The following COL8A2 variants were observed in gnomAD, a reference collection of about 807,000 sequenced individuals.
COL8A2 encodes collagen alpha-2(VIII) chain.
A neutral mutation model predicts 24.0 loss-of-function variants in COL8A2; 16 were observed. The ratio of observed to expected loss-of-function variants is 0.67; its 90% CI spans 0.45 to 1.01. The LOEUF (loss-of-function observed/expected upper bound fraction) is 1.01, where lower values mean the gene tolerates loss of function less well. Among genes scored for constraint, COL8A2 ranks in the 50% least tolerant of loss-of-function variants. The pLI, the probability that COL8A2 is intolerant of heterozygous loss-of-function variation, is 0.00. For synonymous variants in COL8A2, 466 were observed against 424.5 expected (o/e 1.10, Z -1.20); for missense variants, 818 against 942.4 (o/e 0.87, Z 1.73).
chr1:36,123,937 C>G lies in COL8A2; in HGVS notation c.-62+1120G>C, dbSNP rs1309403224. On this transcript the variant is annotated intron_variant, in intron 1 of 3. Transcript: ENST00000397799. This position sits in a 1 kb window ranked among gnomAD's most constrained non-coding sequence, Gnocchi z 4.1. ...AGATCACCAACTCCTGCCCTGCGGC[C>G]CCCTCTGCTTGGGGCAGTAAGGATC... 6.6e-6 allele frequency among the ~76,000 whole-genome samples: 1 copy of G among 152,100 alleles called. No homozygotes were observed. The highest frequency in any genetic ancestry group is 1.5e-5 in the Non-Finnish European group (1 of 68,026).
intron 2 of COL8A2, among the ~76,000 whole-genome samples, chr1:36,111,570 G>C (rs112268824): frequency 6.9e-4 from 100 of 144,810 alleles, no homozygotes; most frequent in African/African-American, 2.5e-3. Context: ...TTTTTTTTGA[G>C]ACAGTCTGCT....
rs181517204 is a variant in COL8A2, at chr1:36,121,604, A to G, written c.-62+3453T>C. ...ACGCCTATAATCCCAGGTACTTGGGAGGCTGAGGTAGGAGAATCTTTCAAC... is the reference window on the plus strand; with the variant it reads ...ACGCCTATAATCCCAGGTACTTGGGGGGCTGAGGTAGGAGAATCTTTCAAC... On this transcript the variant is annotated intron_variant, in intron 1 of 3. Transcript: ENST00000397799. Among the ~76,000 whole-genome samples, 63 of 148,440 alleles carry G rather than the reference A, an allele frequency of 4.2e-4. 1 individual carries two copies. The East Asian group carries it at 0.012, about 29-fold the overall frequency.
Position 36,099,128 on chromosome 1 carries a change from CT to C in COL8A2, c.552del (p.Gly185AspfsTer52), listed in dbSNP as rs1413765606. The C allele has an allele frequency of 6.6e-7, 1 of 1,506,996 alleles. No individual in the cohort carries two copies. The highest frequency in any genetic ancestry group is 2.3e-5 in the Admixed American group (1 of 43,326). The allele number at this position is 1,506,996 out of a possible 1,614,324, so 93.4% of individuals were successfully genotyped here. A position where few individuals can be genotyped will look rare whatever the true frequency, so the allele number is the denominator to read the frequency against. On this transcript the variant is annotated frameshift_variant, in exon 4 of 4. Transcript: ENST00000397799. LOFTEE classifies it low-confidence loss of function (END_TRUNC). ...TGGGGCCCTGGTTCCCCCTGGAATC[CT>C]GGGGGCCCTGGCACCCCTTGGGCAC... ...KPGAQGVPGPPGFQGEPGPQG... is the reference protein window; with the variant it reads ...KPGAQGVPGPXGFQGEPGPQG...
rs571096385 is a variant in COL8A2, at chr1:36,122,936, TC to T, written c.-62+2120del. Among the ~76,000 whole-genome samples the T allele has an allele frequency of 4.6e-3, 691 of 151,182 alleles. 5 individuals carry two copies. The highest frequency in any genetic ancestry group is 0.015 in the African/African-American group (621 of 41,106). On this transcript the variant is annotated intron_variant, in intron 1 of 3. Transcript: ENST00000397799. ...CTGTCCCTGAGAGAACCCTGAAGCT[TC>T]CCCCTCCACACCTCTGCACGAGCTG...
At chr1:36,102,818 C>T (rs1643699022) in intron 2 of COL8A2, among the ~76,000 whole-genome samples, 2 of 151,458 alleles carry the variant, frequency 1.3e-5, no homozygotes, top group African/African-American at 4.9e-5. Context: ...ATTACAGGGG[C>T]CTGCCACCAC....
intron 2 of COL8A2, among the ~76,000 whole-genome samples, chr1:36,108,225 C>A (rs1046373806): frequency 1.1e-4 from 16 of 152,232 alleles, no homozygotes; most frequent in African/African-American, 3.9e-4. Flanking sequence ...CATAGGACCT[C>A]AACTAAGAAC....
chr1:36,114,174 C>G (rs905002444), intron 2 of COL8A2, among the ~76,000 whole-genome samples: 1 of 151,426 alleles, frequency 6.6e-6, no homozygotes, highest in African/African-American at 2.4e-5. Flanking sequence ...AAAAAATTAG[C>G]TGGGCGTGGT....
At chr1:36,103,740 C>T (rs188526379) in intron 2 of COL8A2, among the ~76,000 whole-genome samples, 4 of 152,098 alleles carry the variant, frequency 2.6e-5, no homozygotes, top group East Asian at 3.9e-4. Flanking sequence ...CATGCCACCA[C>T]GCCCAGCTAA....
At chr1:36,118,312 T>G (rs1372118790) in intron 1 of COL8A2, among the ~76,000 whole-genome samples, 1 of 152,164 alleles carries the variant, frequency 6.6e-6, no homozygotes, top group African/African-American at 2.4e-5. Flanking sequence ...CTGGGCTCCC[T>G]GAAGACCTCA....
Position 36,095,503 on chromosome 1 carries a change from T to C in COL8A2, c.*2066A>G, listed in dbSNP as rs1643548036. 6.6e-6 allele frequency: 1 copy of C among 152,162 alleles called. No homozygotes were observed. Among genetic ancestry groups the C allele is most frequent in the Admixed American group, 6.5e-5 (1 of 15,278 alleles). The allele number at this position is 152,162 out of a possible 1,614,324, so 9.4% of individuals were successfully genotyped here. On this transcript the variant is annotated 3_prime_UTR_variant, in exon 4 of 4. Coordinates refer to ENST00000397799, the MANE Select transcript of COL8A2 (RefSeq NM_005202.4). ...AATGCACAAGGTAATGTCGTTTTCA[T>C]AGTTAAAATCTGACATTGTTTATCA...
chr1:36,097,422 G>A lies in COL8A2; in HGVS notation c.*147C>T. 1 of 692,678 alleles carries A rather than the reference G, an allele frequency of 1.4e-6. No homozygotes were observed. The highest frequency in any genetic ancestry group is 2.5e-6 in the Non-Finnish European group (1 of 398,906). 42.9% of individuals were successfully genotyped at this position (692,678 alleles called of 1,614,324 possible). On this transcript the variant is annotated 3_prime_UTR_variant, in exon 4 of 4. Coordinates refer to ENST00000397799, the MANE Select transcript of COL8A2 (RefSeq NM_005202.4). Reference sequence around the variant, plus strand: ...AGAAACAATCTCAGCCTGCATGCAGGGAGAAAGCAAGTTAGTCTCCTCGGG... The same window carrying A: ...AGAAACAATCTCAGCCTGCATGCAGAGAGAAAGCAAGTTAGTCTCCTCGGG...
rs1038720137 is a variant in COL8A2, at chr1:36,125,111, C to G, written c.-116G>C. 5 of 964,178 alleles carry G rather than the reference C, an allele frequency of 5.2e-6. No individual in the cohort carries two copies. In the African/African-American group the frequency reaches 8.9e-5, roughly 17 times the overall value. The allele number at this position is 964,178 out of a possible 1,614,324, so 59.7% of individuals were successfully genotyped here. On this transcript the variant is annotated 5_prime_UTR_variant, in exon 1 of 4. Transcript: ENST00000397799. The surrounding 1 kb of genome is among the most constrained non-coding windows in gnomAD (Gnocchi z 4.5). Reference sequence around the variant, plus strand: ...CGGCCCTCGAGGGCGGCCCGGGCGGCGAGGGCTCCGGGCAGGGGCGTCCGC... The same window carrying G: ...CGGCCCTCGAGGGCGGCCCGGGCGGGGAGGGCTCCGGGCAGGGGCGTCCGC...
Position 36,099,379 on chromosome 1 carries a change from C to G in COL8A2, c.302G>C (p.Gly101Ala). Residue 101 changes from glycine to alanine, a missense_variant, in exon 4 of 4, where the codon GGC becomes GCC. Gly to Ala is a moderately conservative substitution (Grantham distance 60, BLOSUM62 0). Transcript: ENST00000397799. ...PGPPGFPGKP[G>A]MGKPGLHGQP... ...CCCATGGAGTCCTGGCTTTCCCATG[C>G]CTGGTTTTCCTGGGAAGCCAGGGGG... The G allele has an allele frequency of 6.4e-7, 1 of 1,568,662 alleles. No homozygotes were observed. The highest frequency in any genetic ancestry group is 8.6e-7 in the Non-Finnish European group (1 of 1,160,728).
chr1:36,098,766 G>C lies in COL8A2; in HGVS notation c.915C>G (p.Gly305=), dbSNP rs200964811. 6.2e-7 allele frequency: 1 copy of C among 1,611,698 alleles called. No homozygotes were observed. The highest frequency in any genetic ancestry group is 1.7e-5 in the Admixed American group (1 of 59,984). ...SGAKGEPGTR[G]PPGLIGPTGY... ...CAGTGGGGCCTATCAGCCCAGGGGG[G>C]CCCCGGGTCCCTGGCTCCCCTTTGG... Residue 305 remains glycine (G), a synonymous_variant, in exon 4 of 4, where the codon GGC becomes GGG. Transcript: ENST00000397799.
intron 2 of COL8A2, among the ~76,000 whole-genome samples, chr1:36,102,123 G>C (rs1557740669): frequency 1.3e-5 from 2 of 152,214 alleles, no homozygotes; most frequent in Non-Finnish European, 2.9e-5. Flanking sequence ...AGGTTGCAGT[G>C]AGCTGCACTC....
intron 2 of COL8A2, among the ~76,000 whole-genome samples, chr1:36,104,778 G>C (rs1261733787): frequency 6.6e-6 from 1 of 152,168 alleles, no homozygotes; most frequent in East Asian, 1.9e-4. Context: ...CTGGGTGACA[G>C]AGCGAGACTC....
rs1643597875 is a variant in COL8A2 at position 36,097,916 on chromosome 1, C to T, written c.1765G>A (p.Gly589Ser). The T allele has an allele frequency of 1.2e-6, 2 of 1,611,886 alleles. No individual in the cohort carries two copies. The highest frequency in any genetic ancestry group is 1.3e-5 in the African/African-American group (1 of 74,942). Reference sequence around the variant, plus strand: ...GTCCGGTCAAATTTCACGGGCATGCCCGAGGCGGGGAAGGGCGAGGTGAGC... The same window carrying T: ...GTCCGGTCAAATTTCACGGGCATGCTCGAGGCGGGGAAGGGCGAGGTGAGC... ...AVLTSPFPAS[G>S]MPVKFDRTLY... The change falls in exon 4 of 4, where the codon GGC (glycine) becomes AGC (serine). Residue 589 changes from glycine (G) to serine (S), a missense_variant. Physicochemically the swap from Gly to Ser is moderately conservative, Grantham distance 56. Coordinates refer to ENST00000397799, the MANE Select transcript of COL8A2 (RefSeq NM_005202.4).
intron 1 of COL8A2, among the ~76,000 whole-genome samples, chr1:36,120,466 G>C (rs1364505710): frequency 6.6e-6 from 1 of 150,742 alleles, no homozygotes; most frequent in Non-Finnish European, 1.5e-5. Flanking sequence ...TAAATAAAAA[G>C]AGGACGGGCA....
chr1:36,098,140 G>A lies in COL8A2; in HGVS notation c.1541C>T (p.Ser514Phe), dbSNP rs747964282. ...CCCCGGAGGGCCCGTGATTCCAGGG[G>A]AGCCAGGGACCCCTGGGGGCCCCGT... ...GPTGPPGVPGSPGITGPPGPP... is the reference protein window; with the variant it reads ...GPTGPPGVPGFPGITGPPGPP... The change falls in exon 4 of 4, where the codon TCC (serine) becomes TTC (phenylalanine). Residue 514 changes from serine to phenylalanine, a missense_variant. This residue lies in a region of COL8A2 where 235 missense variants were observed against 297.3 expected (regional missense o/e 0.79). Transcript: ENST00000397799. 4.7e-6 allele frequency: 7 copies of A among 1,481,902 alleles called. 1 individual carries two copies. In the South Asian group the frequency reaches 6.6e-5, roughly 14 times the overall value. 91.8% of individuals were successfully genotyped at this position (1,481,902 alleles called of 1,614,324 possible).
Sources: gnomAD v4.1 joint callset for allele counts (sites outside exome capture counted in the v4.1 genomes callset) on GRCh38, gnomAD v4.1.1 for gene constraint, gnomAD v4.1.1 regional missense constraint, Gnocchi (gnomAD v3.1) non-coding constraint, MANE v1.5 for transcripts, NCBI Gene and HGNC (gene_info 2026-07-23, HGNC 2026-07-21) for gene names.